GRM5: variants seen among roughly 807,000 people sequenced by gnomAD.
The protein encoded by GRM5 is glutamate metabotropic receptor 5.
In GRM5, 19 loss-of-function variants were observed where a neutral mutation model predicts 83.1. The ratio of observed to expected loss-of-function variants is 0.23; its 90% CI spans 0.16 to 0.34. The LOEUF (loss-of-function observed/expected upper bound fraction) is 0.34, where lower values mean the gene tolerates loss of function less well. Among genes scored for constraint, GRM5 ranks in the 10% least tolerant of loss-of-function variants. GRM5 has a pLI of 1.00. For missense variants in GRM5, 1,160 were observed against 1,588.3 expected (o/e 0.73, Z 4.58); for synonymous variants, 675 against 633.6 (o/e 1.07, Z -0.98).
intron 2 of GRM5, among the ~76,000 whole-genome samples, chr11:88,985,162 A>T (rs1389320318): frequency 6.6e-6 from 1 of 152,098 alleles, no homozygotes; most frequent in Non-Finnish European, 1.5e-5. Context: ...ATTTGGTTGC[A>T]GTATCATCAT....
intron 2 of GRM5, among the ~76,000 whole-genome samples, chr11:88,891,420 C>G (rs1318578564): frequency 6.6e-6 from 1 of 151,996 alleles, no homozygotes; most frequent in African/African-American, 2.4e-5. Context: ...TCGAAATTGT[C>G]TTTCCTGATG....
chr11:88,855,450 A>G (rs1452275266), intron 2 of GRM5, among the ~76,000 whole-genome samples: 1 of 151,882 alleles, frequency 6.6e-6, no homozygotes, highest in African/African-American at 2.4e-5. Flanking sequence ...GCTGGAGACT[A>G]CATCTTCTCC....
rs138938641 is a variant in GRM5, at chr11:88,776,889, A to G, written c.911+73017T>C. Among the ~76,000 whole-genome samples, 1,060 of 151,918 alleles carry G rather than the reference A, an allele frequency of 7.0e-3. 12 individuals are homozygous for G. Among genetic ancestry groups the G allele is most frequent in the African/African-American group, 0.024 (998 of 41,402 alleles). On this transcript the variant is annotated intron_variant, in intron 3 of 9. Coordinates refer to ENST00000305447, the MANE Select transcript of GRM5 (RefSeq NM_001143831.3). ...CCTTAACACTTTTTCCTTCATTTCA[A>G]CCTTGGCAAATCTGACAATTATGTG... is the stretch of plus-strand genomic sequence containing the variant.
intron 5 of GRM5, among the ~76,000 whole-genome samples, chr11:88,600,572 A>G (rs77548918): frequency 0.035 from 5,308 of 152,206 alleles, 303 homozygotes; most frequent in African/African-American, 0.12. Context: ...TAAACAAAAT[A>G]TGTTACAATA....
At chr11:88,995,777 A>G (rs1030888557) in intron 2 of GRM5, among the ~76,000 whole-genome samples, 11 of 152,104 alleles carry the variant, frequency 7.2e-5, no homozygotes, top group African/African-American at 2.7e-4. Flanking sequence ...AGGTTGTATC[A>G]GACATGTGAA....
At chr11:88,969,090 G>C (rs932809788) in intron 2 of GRM5, among the ~76,000 whole-genome samples, 1 of 152,042 alleles carries the variant, frequency 6.6e-6, no homozygotes, top group African/African-American at 2.4e-5. Flanking sequence ...ATACAGAATG[G>C]AAGTAATGAA....
intron 2 of GRM5, among the ~76,000 whole-genome samples, chr11:88,921,682 A>G (rs1469172469): frequency 6.6e-6 from 1 of 152,068 alleles, no homozygotes; most frequent in Non-Finnish European, 1.5e-5. Flanking sequence ...AAAGCCTTGG[A>G]TCTAAGATTT....
chr11:88,743,197 C>T (rs1357977710), intron 3 of GRM5, among the ~76,000 whole-genome samples: 1 of 152,078 alleles, frequency 6.6e-6, no homozygotes, highest in East Asian at 1.9e-4. Context: ...GATGGACCAT[C>T]TCACTTCTTC....
chr11:88,960,272 C>A (rs1290380368), intron 2 of GRM5, among the ~76,000 whole-genome samples: 2 of 151,998 alleles, frequency 1.3e-5, no homozygotes, highest in Admixed American at 6.6e-5. Flanking sequence ...GTAAAAAGAA[C>A]AGAGACATTA....
intron 9 of GRM5, among the ~76,000 whole-genome samples, chr11:88,515,957 G>T (rs1356147379): frequency 6.6e-6 from 1 of 152,176 alleles, no homozygotes; most frequent in Non-Finnish European, 1.5e-5. Flanking sequence ...GAACTTTTCA[G>T]CTCACAAGGT....
chr11:89,023,312 C>G (rs1462931588), intron 2 of GRM5, among the ~76,000 whole-genome samples: 2 of 152,124 alleles, frequency 1.3e-5, no homozygotes, highest in African/African-American at 4.8e-5. Context: ...GACCCCCAAA[C>G]ACTCTTCTTC....
intron 4 of GRM5, among the ~76,000 whole-genome samples, chr11:88,606,349 C>G (rs1014422025): frequency 6.6e-6 from 1 of 152,102 alleles, no homozygotes. Flanking sequence ...AAGGTGAAAC[C>G]CTGTCTCTAC....
rs115544169 is a variant in GRM5, at chr11:88,959,640, G to A, written c.661+87572C>T. ...TACTCTATTTCAAGAACAAATAAGA[G>A]ACTACTAACACCCTTCCTTCCCTGC... On this transcript the variant is annotated intron_variant, in intron 2 of 9. Transcript: ENST00000305447. Among the ~76,000 whole-genome samples the A allele has an allele frequency of 3.8e-3, 571 of 152,156 alleles. 5 individuals are homozygous for A. Among genetic ancestry groups the A allele is most frequent in the African/African-American group, 0.013 (555 of 41,510 alleles).
chr11:88,956,411 G>A (rs752902966), intron 2 of GRM5, among the ~76,000 whole-genome samples: 1 of 152,096 alleles, frequency 6.6e-6, no homozygotes, highest in Non-Finnish European at 1.5e-5. Context: ...TACATCATAC[G>A]CTAGGCACTC....
intron 3 of GRM5, among the ~76,000 whole-genome samples, chr11:88,668,540 T>C (rs1395089154): frequency 6.6e-6 from 1 of 152,012 alleles, no homozygotes; most frequent in Admixed American, 6.6e-5. Context: ...TAAATATCAA[T>C]GAAAAATCTC....
chr11:88,966,720 C>G (rs112180952), intron 2 of GRM5, among the ~76,000 whole-genome samples: 3,697 of 152,202 alleles, frequency 0.024, 86 homozygotes, highest in East Asian at 0.097. Context: ...TCATGGACTT[C>G]AATGGACTTT....
At chr11:88,955,948 A>G (rs1389203672) in intron 2 of GRM5, among the ~76,000 whole-genome samples, 2 of 152,252 alleles carry the variant, frequency 1.3e-5, no homozygotes, top group East Asian at 1.9e-4. Context: ...TAAAGTTCCT[A>G]TAAGATAGGT....
chr11:88,636,100 C>T (rs1441607463), intron 4 of GRM5, among the ~76,000 whole-genome samples: 2 of 152,154 alleles, frequency 1.3e-5, no homozygotes, highest in Non-Finnish European at 2.9e-5. Context: ...AGTTTTACTC[C>T]ATTCTTTAAA....
Position 88,508,968 on chromosome 11 carries a change from C to T in GRM5, c.3263G>A (p.Gly1088Asp). 1 of 1,588,716 alleles carries T rather than the reference C, an allele frequency of 6.3e-7. No homozygotes were observed. The highest frequency in any genetic ancestry group is 8.6e-7 in the Non-Finnish European group (1 of 1,167,626). Residue 1088 changes from glycine (G) to aspartate (D), a missense_variant, in exon 10 of 10, where the codon GGC becomes GAC. Gly to Asp is a moderately conservative substitution (Grantham distance 94). Around this residue, in one of 9 missense-constraint regions of GRM5, gnomAD observed 562 missense variants for 532.4 expected, o/e 1.06. Coordinates refer to ENST00000305447, the MANE Select transcript of GRM5 (RefSeq NM_001143831.3). This position sits in a 1 kb window ranked among gnomAD's most constrained non-coding sequence, Gnocchi z 4.2. ...MMLSTAAPSP[G>D]VGAPLCSSYL... ...GGACGAGCAGAGCGGGGCGCCGACGCCGGGGCTGGGGGCCGCGGTGGACAG... is the reference window on the plus strand; with the variant it reads ...GGACGAGCAGAGCGGGGCGCCGACGTCGGGGCTGGGGGCCGCGGTGGACAG...
Sources: allele counts gnomAD v4.1 joint callset (sites outside exome capture counted in the v4.1 genomes callset), GRCh38; gene constraint gnomAD v4.1.1; regional missense constraint gnomAD v4.1.1; non-coding constraint Gnocchi (gnomAD v3.1); transcripts MANE v1.5; gene names NCBI Gene and HGNC (gene_info 2026-07-23, HGNC 2026-07-21).